BRINP1: variants seen among roughly 807,000 people sequenced by gnomAD.
BRINP1 encodes BMP/retinoic acid-inducible neural-specific protein 1.
In BRINP1, 17 loss-of-function variants were observed where a neutral mutation model predicts 72.9. That is an observed-to-expected ratio of 0.23 (90% CI 0.16 to 0.35). The LOEUF is 0.35. Ranked by LOEUF, BRINP1 falls within the 10% of genes least tolerant of loss-of-function variation. The pLI, the probability that BRINP1 is intolerant of heterozygous loss-of-function variation, is 1.00. For missense variants in BRINP1, 850 were observed against 1,001.6 expected, an observed-to-expected ratio of 0.85 and a Z score of 2.04; for synonymous variants, 418 against 378.5, an observed-to-expected ratio of 1.10 and a Z score of -1.21.
At position 119,213,623 on chromosome 9, in the gene BRINP1, T is replaced by C. The variant is rs962689928; in HGVS notation, c.922+296A>G. On this transcript the variant is annotated intron_variant, in intron 6 of 7. Transcript: ENST00000265922. ...AGGAATCAATACAACTACCTCTGAC[T>C]CTTCCCTCTCCAGAGGCTTCCTATG... 24 of 562,602 alleles carry C rather than the reference T, an allele frequency of 4.3e-5. No homozygotes were observed. The African/African-American group carries it at 4.3e-4, about 10-fold the overall frequency. 34.9% of individuals were successfully genotyped at this position (562,602 alleles called of 1,614,324 possible). A position where few individuals can be genotyped will look rare whatever the true frequency, so the allele number is the denominator to read the frequency against.
chr9:119,271,935 A>C (rs1205292187), intron 2 of BRINP1, among the ~76,000 whole-genome samples: 1 of 152,040 alleles, frequency 6.6e-6, no homozygotes, highest in Non-Finnish European at 1.5e-5. Context: ...TCCTAGCCTC[A>C]AGCAATCTTC....
chr9:119,184,115 CAG>C (rs1323839426), intron 7 of BRINP1, among the ~76,000 whole-genome samples: 3 of 152,178 alleles, frequency 2.0e-5, no homozygotes, highest in Non-Finnish European at 4.4e-5. Flanking sequence ...CCAAAAACAA[CAG>C]AAAGGAACTG....
intron 2 of BRINP1, among the ~76,000 whole-genome samples, chr9:119,290,026 T>C (rs1830806496): frequency 6.6e-6 from 1 of 152,176 alleles, no homozygotes; most frequent in African/African-American, 2.4e-5. Flanking sequence ...ACTGGTCAAG[T>C]CTGCAGGATG....
Position 119,214,002 on chromosome 9 carries a change from A to C in BRINP1, c.839T>G (p.Ile280Ser), listed in dbSNP as rs1159165756. Residue 280 changes from isoleucine to serine, a missense_variant, in exon 6 of 8, where the codon ATC becomes AGC. Transcript: ENST00000265922. ...GTACTCCATGATCTGGATGTCCGTG[A>C]TGGGGCAGTTGCACTGCGGAAACTC... Reference protein sequence around the residue: ...AEEFPQCNCPITDIQIMEYTL... With the variant: ...AEEFPQCNCPSTDIQIMEYTL... The C allele has an allele frequency of 6.2e-7, 1 of 1,613,990 alleles. No individual in the cohort carries two copies. The highest frequency in any genetic ancestry group is 8.5e-7 in the Non-Finnish European group (1 of 1,180,032).
chr9:119,290,209 G>A (rs1372553841), intron 2 of BRINP1, among the ~76,000 whole-genome samples: 1 of 152,190 alleles, frequency 6.6e-6, no homozygotes, highest in Non-Finnish European at 1.5e-5. Context: ...CATGTCTATG[G>A]CTGCCTGACC....
At chr9:119,275,329 C>A (rs914199734) in intron 2 of BRINP1, among the ~76,000 whole-genome samples, 2 of 152,146 alleles carry the variant, frequency 1.3e-5, no homozygotes, top group Non-Finnish European at 2.9e-5. Flanking sequence ...ACCTTGTACA[C>A]ATATATTCCC....
At chr9:119,283,063 C>A (rs753351970) in intron 2 of BRINP1, 20 of 985,392 alleles carry the variant, frequency 2.0e-5, no homozygotes, top group Non-Finnish European at 2.4e-5. Context: ...TACAGAGTTA[C>A]GGAGAGGTAG....
intron 2 of BRINP1, among the ~76,000 whole-genome samples, chr9:119,252,930 T>G (rs1209461015): frequency 6.6e-6 from 1 of 152,174 alleles, no homozygotes; most frequent in African/African-American, 2.4e-5. Flanking sequence ...CTGTGTTGCT[T>G]CCTTGAAAAG....
chr9:119,269,346 A>C (rs2118949452), intron 2 of BRINP1, among the ~76,000 whole-genome samples: 1 of 152,286 alleles, frequency 6.6e-6, no homozygotes, highest in South Asian at 2.1e-4. Context: ...TGCTCGTGGA[A>C]TGATTCACCC....
At chr9:119,295,928 TAAAAACACTAGAA>T (rs923059981) in intron 2 of BRINP1, among the ~76,000 whole-genome samples, 2 of 152,082 alleles carry the variant, frequency 1.3e-5, no homozygotes, top group Non-Finnish European at 2.9e-5. Context: ...CCAGGAACCA[TAAAAACACTAGAA>T]GAAAACAGAG....
In BRINP1 at chr9:119,368,320, A is replaced by C. The variant is rs1419582683; in HGVS notation, c.-51+736T>G. Among the ~76,000 whole-genome samples the C allele has an allele frequency of 6.6e-6, 1 of 151,974 alleles. No individual in the cohort carries two copies. Among genetic ancestry groups the C allele is most frequent in the African/African-American group, 2.4e-5 (1 of 41,360 alleles). On this transcript the variant is annotated intron_variant, in intron 1 of 7. Transcript: ENST00000265922. The surrounding 1 kb of genome is among the most constrained non-coding windows in gnomAD (Gnocchi z 4.7). ...CCCATCAGAATCTTGGAGTCTGCCC[A>C]GTGTAGAATTTAAAGTGACAGCGTC...
chr9:119,212,527 T>C (rs1829939741), intron 6 of BRINP1, among the ~76,000 whole-genome samples: 1 of 152,234 alleles, frequency 6.6e-6, no homozygotes, highest in Admixed American at 6.5e-5. Context: ...TCCTGCCATT[T>C]ACTAACTGTG....
chr9:119,175,933 GC>G (rs1829483903), intron 7 of BRINP1, among the ~76,000 whole-genome samples: 1 of 152,176 alleles, frequency 6.6e-6, no homozygotes, highest in South Asian at 2.1e-4. Context: ...GTCAGAGACA[GC>G]TGAAAATCCT....
intron 2 of BRINP1, among the ~76,000 whole-genome samples, chr9:119,274,998 C>T (rs958344611): frequency 6.6e-6 from 1 of 152,040 alleles, no homozygotes; most frequent in African/African-American, 2.4e-5. Flanking sequence ...AATCACATCT[C>T]CTTTTATAAA....
At chr9:119,367,031 C>T (rs1413197512) in intron 1 of BRINP1, among the ~76,000 whole-genome samples, 2 of 151,706 alleles carry the variant, frequency 1.3e-5, no homozygotes, top group Non-Finnish European at 2.9e-5. Context: ...ACATGAGTTT[C>T]CTGAAGGAGA....
chr9:119,191,960 G>A (rs926110328), intron 7 of BRINP1, among the ~76,000 whole-genome samples: 4 of 151,744 alleles, frequency 2.6e-5, no homozygotes, highest in Admixed American at 6.6e-5. Flanking sequence ...CATAAATGGT[G>A]AACTAATTTT....
At chr9:119,293,027 A>G (rs567161666) in intron 2 of BRINP1, among the ~76,000 whole-genome samples, 4 of 152,318 alleles carry the variant, frequency 2.6e-5, no homozygotes, top group East Asian at 1.9e-4. Context: ...GTCTGAGTAC[A>G]TAACAGTGAT....
At chr9:119,169,961 C>T (rs1288273852) in intron 7 of BRINP1, among the ~76,000 whole-genome samples, 2 of 152,132 alleles carry the variant, frequency 1.3e-5, no homozygotes, top group Non-Finnish European at 2.9e-5. Flanking sequence ...AAAGGACATC[C>T]ACACCAAAAA....
chr9:119,316,588 T>A (rs778036802), intron 1 of BRINP1, among the ~76,000 whole-genome samples: 9 of 152,062 alleles, frequency 5.9e-5, no homozygotes, highest in South Asian at 2.1e-4. Flanking sequence ...CTTAAGAGTA[T>A]GCTAAATCTA....
Sources: gnomAD v4.1 joint callset for allele counts (sites outside exome capture counted in the v4.1 genomes callset) on GRCh38, gnomAD v4.1.1 for gene constraint, Gnocchi (gnomAD v3.1) non-coding constraint, MANE v1.5 for transcripts, NCBI Gene and HGNC (gene_info 2026-07-23, HGNC 2026-07-21) for gene names.